Variants in BLTP1 observed in about 807,000 individuals in gnomAD.
BLTP1 encodes the protein fragile site-associated protein.
the BLTP1 span, among the ~76,000 whole-genome samples, chr4:122,360,287 C>T: frequency 6.6e-6 from 1 of 152,060 alleles, no homozygotes; most frequent in African/African-American, 2.4e-5. Context: ...TACAATTATC[C>T]CAATTAAATC....
the BLTP1 span, chr4:122,261,551 T>C: frequency 1.0e-6 from 1 of 984,182 alleles, no homozygotes; most frequent in African/African-American, 1.7e-5. Flanking sequence ...TTTTTTTTCA[T>C]TAATTGTGGA....
the BLTP1 span, chr4:122,169,541 C>T: frequency 2.6e-6 from 2 of 763,178 alleles, no homozygotes; most frequent in Non-Finnish European, 3.2e-6. Context: ...TTGGGTTAGT[C>T]ATATGTTACT....
At chr4:122,225,072 C>A in the BLTP1 span, 2 of 893,628 alleles carry the variant, frequency 2.2e-6, no homozygotes, top group South Asian at 3.7e-5. Flanking sequence ...TGTTTTCTTA[C>A]ATATGTTTAA....
the BLTP1 span, among the ~76,000 whole-genome samples, chr4:122,264,975 T>C: frequency 6.6e-6 from 1 of 152,198 alleles, no homozygotes; most frequent in Non-Finnish European, 1.5e-5. Context: ...CTTATTTAAT[T>C]GCTTAAATAT....
At chr4:122,218,699 A>AT in the BLTP1 span, among the ~76,000 whole-genome samples, 1 of 151,710 alleles carries the variant, frequency 6.6e-6, no homozygotes, top group Non-Finnish European at 1.5e-5. Flanking sequence ...CAATGGGAAA[A>AT]AATAAATTAA....
chr4:122,316,964 A>G, the BLTP1 span: 1 of 760,870 alleles, frequency 1.3e-6, no homozygotes, highest in East Asian at 3.0e-5. Context: ...CAAACTCTTT[A>G]GTTTATCTGT....
At chr4:122,276,134 C>A in the BLTP1 span, 1 of 920,768 alleles carries the variant, frequency 1.1e-6, no homozygotes, top group Non-Finnish European at 1.5e-6. Context: ...TGTTTTGTAG[C>A]TGTAATATAG....
At chr4:122,242,185 A>G in the BLTP1 span, among the ~76,000 whole-genome samples, 1 of 152,218 alleles carries the variant, frequency 6.6e-6, no homozygotes, top group African/African-American at 2.4e-5. Context: ...CATGTTAATT[A>G]CAGGAGTATT....
the BLTP1 span, chr4:122,161,195 T>C: frequency 2.3e-6 from 2 of 859,664 alleles, no homozygotes; most frequent in African/African-American, 3.6e-5. Flanking sequence ...GGTGTGAAGA[T>C]TTGTGGATGG....
the BLTP1 span, chr4:122,333,650 G>A: frequency 1.9e-6 from 3 of 1,603,700 alleles, no homozygotes; most frequent in Non-Finnish European, 2.5e-6. Context: ...GAAGTTCCAG[G>A]AGCTTAGATC....
At chr4:122,191,040 A>G in the BLTP1 span, among the ~76,000 whole-genome samples, 5 of 152,150 alleles carry the variant, frequency 3.3e-5, no homozygotes, top group East Asian at 3.8e-4. Flanking sequence ...GTATTTTTCA[A>G]CTGCCACACA....
chr4:122,286,940 T>G, the BLTP1 span, among the ~76,000 whole-genome samples: 1 of 152,204 alleles, frequency 6.6e-6, no homozygotes, highest in African/African-American at 2.4e-5. Context: ...TGTGTGTGTG[T>G]GGGTGTATGT....
chr4:122,260,730 T>C, the BLTP1 span, among the ~76,000 whole-genome samples: 1 of 152,028 alleles, frequency 6.6e-6, no homozygotes, highest in Non-Finnish European at 1.5e-5. Flanking sequence ...GAATTCATTC[T>C]AGAGAAAGTC....
the BLTP1 span, chr4:122,336,385 C>T: frequency 1.4e-6 from 2 of 1,407,578 alleles, no homozygotes; most frequent in African/African-American, 1.4e-5. Context: ...CTCCCCATAA[C>T]ATATATTTTG....
At chr4:122,293,253 C>G in the BLTP1 span, 1 of 812,088 alleles carries the variant, frequency 1.2e-6, no homozygotes, top group Non-Finnish European at 1.5e-6. Flanking sequence ...ACGGTAGAAG[C>G]AGCTGTAGTC....
chr4:122,233,876 A>G, the BLTP1 span, among the ~76,000 whole-genome samples: 29 of 152,322 alleles, frequency 1.9e-4, no homozygotes, highest in Non-Finnish European at 2.2e-4. Flanking sequence ...TAAGGACTAT[A>G]TCAGTTTGCT....
At chr4:122,251,572 C>T in the BLTP1 span, 1 of 984,512 alleles carries the variant, frequency 1.0e-6, no homozygotes, top group Non-Finnish European at 1.2e-6. Flanking sequence ...AATAGCTACT[C>T]ACTGGACAAA....
At chr4:122,263,462 A>G in the BLTP1 span, 12 of 1,605,918 alleles carry the variant, frequency 7.5e-6, no homozygotes, top group Non-Finnish European at 1.0e-5. Flanking sequence ...AGCCACTGAT[A>G]TGTTATCTGA....
chr4:122,362,237 A>C, the BLTP1 span: 4 of 1,612,060 alleles, frequency 2.5e-6, no homozygotes, highest in Admixed American at 6.7e-5. Flanking sequence ...AAAGACAAAG[A>C]AGAACACTAA....
Sources: allele counts gnomAD v4.1 joint callset (sites outside exome capture counted in the v4.1 genomes callset), GRCh38; gene constraint gnomAD v4.1.1; transcripts MANE v1.5; gene names NCBI Gene and HGNC (gene_info 2026-07-23, HGNC 2026-07-21).